Variants in GFI1B observed in about 807,000 individuals in gnomAD.
GFI1B encodes the protein zinc finger protein Gfi-1b.
Under a neutral mutation model 35.3 loss-of-function variants are expected in GFI1B, and 20 were observed. The ratio of observed to expected loss-of-function variants is 0.57; its 90% CI spans 0.40 to 0.82. GFI1B has a LOEUF of 0.82. Among genes scored for constraint, GFI1B ranks in the 40% least tolerant of loss-of-function variants. The pLI, the probability that GFI1B is intolerant of heterozygous loss-of-function variation, is 0.00. For synonymous variants in GFI1B, 178 were observed against 177.6 expected (o/e 1.00, Z -0.02); for missense variants, 430 against 446.3 (o/e 0.96, Z 0.33).
At chr9:132,970,470 T>A (rs968651769) in intron 1 of GFI1B, among the ~76,000 whole-genome samples, 9 of 151,876 alleles carry the variant, frequency 5.9e-5, no homozygotes, top group African/African-American at 2.2e-4. Flanking sequence ...GAGAGAGAGC[T>A]TGTTGGGAAG....
At chr9:132,947,809 CAAAAAAA>C (rs58406908) in intron 1 of GFI1B, among the ~76,000 whole-genome samples, 2 of 86,088 alleles carry the variant, frequency 2.3e-5, no homozygotes, top group East Asian at 4.2e-4. Flanking sequence ...ACTTGGTCTC[CAAAAAAA>C]AAAAAAAAAA....
Position 132,986,712 on chromosome 9 carries a change from G to A in GFI1B, c.34G>A (p.Ala12Thr), listed in dbSNP as rs1431101028. 1.1e-5 allele frequency: 18 copies of A among 1,612,584 alleles called. No individual in the cohort carries two copies. Among genetic ancestry groups the A allele is most frequent in the African/African-American group, 4.0e-5 (3 of 74,906 alleles). ...CTCCTTCCTGGTGAAGAGCAAGAAG[G>A]CTCACACCTACCACCAGCCCCGTGT... Reference protein sequence around the residue: ...PRSFLVKSKKAHTYHQPRVQE... With the variant: ...PRSFLVKSKKTHTYHQPRVQE... Residue 12 changes from alanine (A) to threonine (T), a missense_variant, in exon 2 of 7, where the codon GCT (alanine) becomes ACT (threonine). Transcript: ENST00000372122.
chr9:132,980,384 C>G (rs1229695162), intron 1 of GFI1B, among the ~76,000 whole-genome samples: 1 of 152,204 alleles, frequency 6.6e-6, no homozygotes, highest in Admixed American at 6.5e-5. Flanking sequence ...AACACCACCC[C>G]CTCTTAGTCT....
upstream of GFI1B, chr9:132,976,708 G>A (rs925768819): frequency 6.6e-6 from 1 of 152,108 alleles, no homozygotes; most frequent in African/African-American, 2.4e-5. Flanking sequence ...GGAGACATTT[G>A]AGAACTTCTA....
upstream of GFI1B, among the ~76,000 whole-genome samples, chr9:132,978,347 GA>G (rs11431658): frequency 1.3e-5 from 2 of 151,694 alleles, no homozygotes; most frequent in Non-Finnish European, 2.9e-5. Flanking sequence ...AAAGAAAGAA[GA>G]AAAAAACCAA....
At chr9:132,982,362 G>A (rs1848857081) in intron 1 of GFI1B, among the ~76,000 whole-genome samples, 1 of 152,170 alleles carries the variant, frequency 6.6e-6, no homozygotes, top group African/African-American at 2.4e-5. Context: ...CAACAAAGGG[G>A]CCTCATTACA....
upstream of GFI1B, among the ~76,000 whole-genome samples, chr9:132,975,611 T>G (rs1025455874): frequency 2.6e-5 from 4 of 152,312 alleles, no homozygotes; most frequent in Non-Finnish European, 5.9e-5. Flanking sequence ...CAGGAAGGAA[T>G]ATGAAAAGTC....
chr9:132,979,799 G>A (rs1433959347), intron 1 of GFI1B, among the ~76,000 whole-genome samples: 1 of 152,216 alleles, frequency 6.6e-6, no homozygotes, highest in African/African-American at 2.4e-5. Flanking sequence ...TGAAGAGGAG[G>A]TCTGCAGAAT....
chr9:132,968,259 G>A (rs1351438840), intron 1 of GFI1B, among the ~76,000 whole-genome samples: 1 of 151,824 alleles, frequency 6.6e-6, no homozygotes, highest in Non-Finnish European at 1.5e-5. Flanking sequence ...GACTACACAT[G>A]CATGCCACCA....
At chr9:132,964,878 T>A (rs144462158) in intron 1 of GFI1B, among the ~76,000 whole-genome samples, 200 of 151,806 alleles carry the variant, frequency 1.3e-3, no homozygotes, top group African/African-American at 4.5e-3. Flanking sequence ...TAGCTGGGAT[T>A]ATAGGCACCT....
At chr9:132,955,120 G>A (rs79765906) in intron 1 of GFI1B, among the ~76,000 whole-genome samples, 7,739 of 122,192 alleles carry the variant, frequency 0.063, 327 homozygotes, top group East Asian at 0.21. Flanking sequence ...ATCCAAGTTT[G>A]CATCTGGTAT....
At chr9:132,968,504 T>C (rs555425876) in intron 1 of GFI1B, among the ~76,000 whole-genome samples, 7 of 152,322 alleles carry the variant, frequency 4.6e-5, no homozygotes. Context: ...AGAAAGCATA[T>C]CTGGCAGATG....
intron 4 of GFI1B, 75 bp downstream of exon 4, chr9:132,988,543 G>T: frequency 7.3e-7 from 1 of 1,366,758 alleles, no homozygotes; most frequent in Non-Finnish European, 1.0e-6. Flanking sequence ...GCAGCTCTGG[G>T]CGTTCTCTGT....
At chr9:132,988,589 T>C in intron 4 of GFI1B, 121 bp downstream of exon 4, 2 of 907,814 alleles carry the variant, frequency 2.2e-6, no homozygotes, top group Non-Finnish European at 3.4e-6. Flanking sequence ...GATTAAGGAT[T>C]CAAAACGTTC....
intron 2 of GFI1B, 66 bp downstream of exon 2, chr9:132,986,844 GTGCAGCAGCGTCCCTCC>G: frequency 1.1e-6 from 1 of 936,734 alleles, no homozygotes; most frequent in Non-Finnish European, 1.7e-6. Flanking sequence ...CGTGATGAGG[GTGCAGCAGCGTCCCTCC>G]TGCAGCAGCC....
downstream of GFI1B, among the ~76,000 whole-genome samples, chr9:132,992,647 T>C (rs1212517735): frequency 6.6e-6 from 1 of 152,136 alleles, no homozygotes; most frequent in Admixed American, 6.6e-5. Context: ...CACTTAGCCA[T>C]CTCCTCCATG....
At chr9:132,978,543 A>G (rs1848701106), upstream of GFI1B, 1 of 152,202 alleles carries the variant, frequency 6.6e-6, no homozygotes, top group African/African-American at 2.4e-5. Context: ...GAGGGTTAGA[A>G]ATGAGAATTC....
upstream of GFI1B, among the ~76,000 whole-genome samples, chr9:132,974,154 A>G (rs11243965): frequency 0.043 from 6,605 of 152,052 alleles, 299 homozygotes; most frequent in East Asian, 0.18. Context: ...TCATTTATTC[A>G]CTCTGTGAAG....
In GFI1B at chr9:132,988,226, G is replaced by C; in HGVS notation, c.268G>C (p.Asp90His). Residue 90 changes from aspartate to histidine, a missense_variant, in exon 4 of 7, where the codon GAT becomes CAT. Coordinates refer to ENST00000372122, the MANE Select transcript of GFI1B (RefSeq NM_001377304.1). ...CCCCATTGTGCTGTCCCGACCCCAG[G>C]ATGGGGACTCTCCACTGTCCGACTC... is the stretch of plus-strand genomic sequence containing the variant. ...EGPIVLSRPQ[D>H]GDSPLSDSPP... is the part of the protein sequence containing the mutation. 1 of 1,614,036 alleles carries C rather than the reference G, an allele frequency of 6.2e-7. No homozygotes were observed. The highest frequency in any genetic ancestry group is 8.5e-7 in the Non-Finnish European group (1 of 1,179,888).
Sources: allele counts gnomAD v4.1 joint callset (sites outside exome capture counted in the v4.1 genomes callset), GRCh38; gene constraint gnomAD v4.1.1; transcripts MANE v1.5; gene names NCBI Gene and HGNC (gene_info 2026-07-23, HGNC 2026-07-21).